The following RHOJ variants were observed in gnomAD, a reference collection of about 807,000 sequenced individuals.
The protein encoded by RHOJ is rho-related GTP-binding protein RhoJ.
A neutral mutation model predicts 23.4 loss-of-function variants in RHOJ; 11 were observed. That is an observed-to-expected ratio of 0.47 (90% CI 0.30 to 0.78). The LOEUF (loss-of-function observed/expected upper bound fraction) is 0.78. Ranked by LOEUF, RHOJ falls within the 30% of genes least tolerant of loss-of-function variation. The pLI is 0.08. For synonymous variants in RHOJ, 102 were observed against 102.7 expected, an observed-to-expected ratio of 0.99 and a Z score of 0.04; for missense variants, 254 against 273.4, an observed-to-expected ratio of 0.93 and a Z score of 0.50.
At chr14:63,271,867 G>T (rs918178764) in intron 2 of RHOJ, among the ~76,000 whole-genome samples, 3 of 152,170 alleles carry the variant, frequency 2.0e-5, no homozygotes, top group Admixed American at 1.3e-4. Flanking sequence ...CAAAGTGCTG[G>T]GATTACAGAT....
chr14:63,231,428 T>C (rs1894692996), intron 1 of RHOJ, among the ~76,000 whole-genome samples: 1 of 152,230 alleles, frequency 6.6e-6, no homozygotes, highest in Admixed American at 6.5e-5. Flanking sequence ...TATAACATGC[T>C]CTGCTTCAAC....
intron 1 of RHOJ, among the ~76,000 whole-genome samples, chr14:63,207,359 T>A (rs1483520729): frequency 1.3e-5 from 2 of 152,148 alleles, no homozygotes; most frequent in Admixed American, 6.6e-5. Context: ...AGCAGAGGGA[T>A]CTTCTCCACC....
chr14:63,219,814 CAAA>C (rs35915504), intron 1 of RHOJ, among the ~76,000 whole-genome samples: 48 of 129,694 alleles, frequency 3.7e-4, no homozygotes, highest in Admixed American at 7.6e-4. Context: ...GATTGCATCT[CAAA>C]AAAAAAAAAA....
chr14:63,215,882 A>T (rs1286800273), intron 1 of RHOJ, among the ~76,000 whole-genome samples: 1 of 152,194 alleles, frequency 6.6e-6, no homozygotes. Context: ...CCTACAACAT[A>T]ATAGCCACCC....
At chr14:63,244,842 T>C (rs1477594494) in intron 1 of RHOJ, among the ~76,000 whole-genome samples, 1 of 151,920 alleles carries the variant, frequency 6.6e-6, no homozygotes, top group East Asian at 1.9e-4. Flanking sequence ...AATAAAGGAG[T>C]TCTCAGGTAG....
At chr14:63,284,057 T>C (rs1029888916) in intron 4 of RHOJ, among the ~76,000 whole-genome samples, 44 of 152,308 alleles carry the variant, frequency 2.9e-4, no homozygotes, top group African/African-American at 1.0e-3. Flanking sequence ...GTTTGGAAAT[T>C]TTCAATCTTA....
chr14:63,274,728 G>A (rs1030407692), intron 2 of RHOJ, among the ~76,000 whole-genome samples: 2 of 152,162 alleles, frequency 1.3e-5, no homozygotes, highest in African/African-American at 2.4e-5. Context: ...TTATGGATAA[G>A]GAAAGGGAGG....
chr14:63,210,826 C>T (rs1376288578), intron 1 of RHOJ, among the ~76,000 whole-genome samples: 1 of 152,150 alleles, frequency 6.6e-6, no homozygotes, highest in African/African-American at 2.4e-5. Context: ...AAGCTCATTC[C>T]AGCTGAAACC....
At position 63,292,601 on chromosome 14, in the gene RHOJ, T is replaced by C. The variant is rs1332715669; in HGVS notation, c.*1577T>C. 1.3e-5 allele frequency: 2 copies of C among 152,086 alleles called. No homozygotes were observed. Among genetic ancestry groups the C allele is most frequent in the Non-Finnish European group, 2.9e-5 (2 of 68,014 alleles). 9.4% of individuals were successfully genotyped at this position (152,086 alleles called of 1,614,324 possible). A position where few individuals can be genotyped will look rare whatever the true frequency, so the allele number is the denominator to read the frequency against. The stretch of plus-strand genomic sequence containing the variant: ...AGACTTTCCAGATTCAAGCTCCCAC[T>C]GTTGGAAAAAGCCAGCCTTTCTAAT... On this transcript the variant is annotated 3_prime_UTR_variant, in exon 5 of 5. Transcript: ENST00000316754.
chr14:63,272,374 A>G (rs888455802), intron 2 of RHOJ, among the ~76,000 whole-genome samples: 2 of 152,236 alleles, frequency 1.3e-5, no homozygotes, highest in Non-Finnish European at 2.9e-5. Context: ...GTCAATTACA[A>G]TGGAAGAGAG....
chr14:63,207,280 T>C (rs1894133677), intron 1 of RHOJ, among the ~76,000 whole-genome samples: 1 of 152,140 alleles, frequency 6.6e-6, no homozygotes, highest in South Asian at 2.1e-4. Flanking sequence ...TCTGCCTGCC[T>C]CAGCCTCCTA....
rs543855961 is a variant in RHOJ, at chr14:63,284,428, C to A, written c.498+1212C>A. 8.5e-5 allele frequency: 72 copies of A among 842,564 alleles called. No homozygotes were observed. In the South Asian group the frequency reaches 3.7e-3, roughly 43 times the overall value. 52.2% of individuals were successfully genotyped at this position (842,564 alleles called of 1,614,324 possible). A position where few individuals can be genotyped will look rare whatever the true frequency, so the allele number is the denominator to read the frequency against. The stretch of plus-strand genomic sequence containing the variant: ...ATCTCTCACTTCAGCCTCATAATAA[C>A]CCTCTTAAGCAGATAGCGTTGGTCT... On this transcript the variant is annotated intron_variant, in intron 4 of 4. Transcript: ENST00000316754.
intron 1 of RHOJ, among the ~76,000 whole-genome samples, chr14:63,232,659 A>G (rs1332137019): frequency 6.6e-6 from 1 of 151,196 alleles, no homozygotes; most frequent in South Asian, 2.1e-4. Context: ...TAATTATACC[A>G]TACAATTCAT....
chr14:63,274,011 C>A (rs751074447), intron 2 of RHOJ, among the ~76,000 whole-genome samples: 1 of 152,216 alleles, frequency 6.6e-6, no homozygotes. Context: ...GCCCCTCACT[C>A]GCCCAGGGCT....
At chr14:63,238,319 T>C (rs1360434849) in intron 1 of RHOJ, among the ~76,000 whole-genome samples, 1 of 152,218 alleles carries the variant, frequency 6.6e-6, no homozygotes, top group Non-Finnish European at 1.5e-5. Context: ...TAGGAAGCCA[T>C]GTAAACTGTT....
intron 1 of RHOJ, among the ~76,000 whole-genome samples, chr14:63,207,142 C>T (rs1281751513): frequency 6.6e-6 from 1 of 151,930 alleles, no homozygotes; most frequent in African/African-American, 2.4e-5. Context: ...AGCGATTCTC[C>T]TGCCTCAGCC....
intron 1 of RHOJ, among the ~76,000 whole-genome samples, chr14:63,217,757 T>C (rs1594752246): frequency 1.3e-5 from 2 of 152,224 alleles, no homozygotes; most frequent in South Asian, 4.1e-4. Flanking sequence ...ACAGGCAACC[T>C]ACAAAATGGG....
chr14:63,283,447 A>G (rs1398032393), intron 4 of RHOJ, among the ~76,000 whole-genome samples: 1 of 152,222 alleles, frequency 6.6e-6, no homozygotes, highest in African/African-American at 2.4e-5. Context: ...AATTTGGTGA[A>G]TTTAAACAGC....
At chr14:63,276,660 A>C (rs765082291) in intron 2 of RHOJ, among the ~76,000 whole-genome samples, 9 of 152,196 alleles carry the variant, frequency 5.9e-5, no homozygotes, top group Non-Finnish European at 1.3e-4. Flanking sequence ...GACTGACACT[A>C]TCAAAAACGA....
Sources: gnomAD v4.1 joint callset for allele counts (sites outside exome capture counted in the v4.1 genomes callset) on GRCh38, gnomAD v4.1.1 for gene constraint, MANE v1.5 for transcripts, NCBI Gene and HGNC (gene_info 2026-07-23, HGNC 2026-07-21) for gene names.